The following GATA6 variants were observed in gnomAD, a reference collection of about 807,000 sequenced individuals.
GATA6 encodes transcription factor GATA-6.
GATA6 carries 11 observed loss-of-function variants against 48.1 expected under a neutral mutation model. That is an observed-to-expected ratio of 0.23 (90% CI 0.14 to 0.38). The LOEUF (loss-of-function observed/expected upper bound fraction) is 0.38. Among genes scored for constraint, GATA6 ranks in the 10% least tolerant of loss-of-function variants. The probability of loss-of-function intolerance (pLI) is 1.00; values close to 1 mark genes in which losing one functional copy is unlikely to be tolerated. For synonymous variants in GATA6, 419 were observed against 396.1 expected, an observed-to-expected ratio of 1.06 and a Z score of -0.69; for missense variants, 795 against 850.3, an observed-to-expected ratio of 0.93 and a Z score of 0.81.
chr18:22,191,922 C>G (rs974957829), intron 6 of GATA6, among the ~76,000 whole-genome samples: 1 of 152,238 alleles, frequency 6.6e-6, no homozygotes, highest in African/African-American at 2.4e-5. Context: ...CATGATCCGA[C>G]TTGATGGTGT....
chr18:22,195,144 C>G (rs561278485), intron 6 of GATA6, among the ~76,000 whole-genome samples: 1 of 152,102 alleles, frequency 6.6e-6, no homozygotes, highest in Non-Finnish European at 1.5e-5. Context: ...CCAGCCTGGG[C>G]GACAGAGTGA....
chr18:22,171,912 G>C lies in GATA6; in HGVS notation c.768G>C (p.Ala256=), dbSNP rs919012580. ...AAGPGGAGSA[A]AHVSARFPYS... Reference sequence around the variant, plus strand: ...GGCCTGGCGGCGCTGGCTCAGCCGCGGCGCACGTCTCGGCGCGCTTCCCCT... The same window carrying C: ...GGCCTGGCGGCGCTGGCTCAGCCGCCGCGCACGTCTCGGCGCGCTTCCCCT... The change falls in exon 2 of 7, where the codon GCG becomes GCC. Residue 256 remains alanine (A), a synonymous_variant. Transcript: ENST00000269216. The surrounding 1 kb of genome is among the most constrained non-coding windows in gnomAD (Gnocchi z 7.1). 8.6e-7 allele frequency: 1 copy of C among 1,168,070 alleles called. No individual in the cohort carries two copies. Among genetic ancestry groups the C allele is most frequent in the Non-Finnish European group, 1.1e-6 (1 of 947,524 alleles). 72.4% of individuals were successfully genotyped at this position (1,168,070 alleles called of 1,614,324 possible).
rs569603509 is a variant in GATA6, at chr18:22,193,916, C to T, written c.1621-6740C>T. On this transcript the variant is annotated intron_variant, in intron 6 of 6. Coordinates refer to ENST00000269216, the MANE Select transcript of GATA6 (RefSeq NM_005257.6). ...TCCTTTTCTCGGCTGTGTTGCCTTC[C>T]CATCAGAAGCTGTCTCTTGCCCTCC... Among the ~76,000 whole-genome samples, 468 of 152,230 alleles carry T rather than the reference C, an allele frequency of 3.1e-3. 2 individuals carry two copies. Among genetic ancestry groups the T allele is most frequent in the Middle Eastern group, 0.017 (5 of 294 alleles).
chr18:22,182,671 A>T, intron 4 of GATA6, 86 bp from the exon 5 acceptor site: 3 of 998,328 alleles, frequency 3.0e-6, no homozygotes, highest in South Asian at 1.4e-5. Flanking sequence ...AAATTCTTTT[A>T]AATGAGAGCT....
chr18:22,189,913 A>C (rs1250927793), intron 6 of GATA6, among the ~76,000 whole-genome samples: 1 of 152,244 alleles, frequency 6.6e-6, no homozygotes, highest in Non-Finnish European at 1.5e-5. Context: ...TGCAGAAGGT[A>C]AAGAACAGTT....
At position 22,200,625 on chromosome 18, in the gene GATA6, G is replaced by A. The variant is rs772285401; in HGVS notation, c.1621-31G>A. On this transcript the variant is annotated intron_variant, in intron 6 of 6. Coordinates refer to ENST00000269216, the MANE Select transcript of GATA6 (RefSeq NM_005257.6). ...GATTGTAACCGCTTCTCACCTTCTC[G>A]TCTCTCCTCTGTGTCCCCCTCTTCT... The A allele has an allele frequency of 6.2e-6, 10 of 1,614,068 alleles. No individual in the cohort carries two copies. The South Asian group carries it at 9.9e-5, about 16-fold the overall frequency.
intron 6 of GATA6, among the ~76,000 whole-genome samples, chr18:22,186,306 T>C (rs993021526): frequency 2.6e-5 from 4 of 152,162 alleles, no homozygotes; most frequent in Non-Finnish European, 5.9e-5. Context: ...GGGGGCCACA[T>C]ATCCCTCCAT....
In GATA6 at chr18:22,170,820, G is replaced by C. The variant is rs1016231288; in HGVS notation, c.-37-288G>C. 6.6e-6 allele frequency: 3 copies of C among 457,032 alleles called. No homozygotes were observed. The highest frequency in any genetic ancestry group is 1.2e-5 in the Non-Finnish European group (3 of 253,564). 28.3% of individuals were successfully genotyped at this position (457,032 alleles called of 1,614,324 possible). A position where few individuals can be genotyped will look rare whatever the true frequency, so the allele number is the denominator to read the frequency against. On this transcript the variant is annotated intron_variant, in intron 1 of 6. Transcript: ENST00000269216. The surrounding 1 kb of genome is among the most constrained non-coding windows in gnomAD (Gnocchi z 6.7). ...GCGCGCACGGAGAAAGGATGCGGCC[G>C]AGGGGGTGGGCGGGGAGGACGCGGG...
chr18:22,188,206 A>T (rs2033287644), intron 6 of GATA6, among the ~76,000 whole-genome samples: 1 of 152,252 alleles, frequency 6.6e-6, no homozygotes. Flanking sequence ...ATATATGACC[A>T]GCCCTTGCTT....
At chr18:22,200,526 T>C in intron 6 of GATA6, 130 bp from the exon 7 acceptor site, 1 of 1,153,816 alleles carries the variant, frequency 8.7e-7, no homozygotes, top group Non-Finnish European at 1.3e-6. Context: ...TCTCCTGCCC[T>C]GGGTCTGCCC....
intron 3 of GATA6, among the ~76,000 whole-genome samples, chr18:22,178,607 A>T (rs1399620918): frequency 6.6e-6 from 1 of 152,184 alleles, no homozygotes; most frequent in Non-Finnish European, 1.5e-5. Flanking sequence ...CCTTAAAGAG[A>T]AGCAATTAGT....
intron 6 of GATA6, 167 bp from the exon 7 acceptor site, chr18:22,200,489 G>A: frequency 1.2e-6 from 1 of 834,084 alleles, no homozygotes; most frequent in Non-Finnish European, 2.0e-6. Context: ...CTTGCTGGGG[G>A]CAGGGGATAG....
chr18:22,187,445 AC>A (rs887326634), intron 6 of GATA6, among the ~76,000 whole-genome samples: 9 of 151,926 alleles, frequency 5.9e-5, no homozygotes, highest in African/African-American at 2.2e-4. Context: ...GCACCATTGC[AC>A]CCCAGCCTGG....
chr18:22,173,804 G>A (rs2033087143), intron 2 of GATA6, among the ~76,000 whole-genome samples: 2 of 152,176 alleles, frequency 1.3e-5, no homozygotes, highest in South Asian at 4.1e-4. Context: ...GCCACACCTA[G>A]CTAATTTTTG....
Position 22,183,049 on chromosome 18 carries a change from T to C in GATA6, c.1620+6T>C, listed in dbSNP as rs200795241. 87 of 1,599,480 alleles carry C rather than the reference T, an allele frequency of 5.4e-5. 1 individual carries two copies. The East Asian group carries it at 1.3e-3, about 23-fold the overall frequency. On this transcript the variant is annotated splice_donor_region_variant and intron_variant, in intron 6 of 6. Coordinates refer to ENST00000269216, the MANE Select transcript of GATA6 (RefSeq NM_005257.6). ...CACAACCTACAGCCTCAGGGGTAAG[T>C]ATTAAAACAGCATAGACTCCTAAAT...
At chr18:22,182,204 C>T (rs1011475582) in intron 4 of GATA6, among the ~76,000 whole-genome samples, 4 of 152,118 alleles carry the variant, frequency 2.6e-5, no homozygotes, top group Non-Finnish European at 4.4e-5. Flanking sequence ...AAACAATAAA[C>T]GTTAAGTTGA....
Position 22,195,652 on chromosome 18 carries a change from A to AG in GATA6, c.1621-5000dup, listed in dbSNP as rs924383839. Among the ~76,000 whole-genome samples, 39 of 152,280 alleles carry AG rather than the reference A, an allele frequency of 2.6e-4. 2 individuals are homozygous for AG. The highest frequency in any genetic ancestry group is 8.8e-5 in the Non-Finnish European group (6 of 68,008). On this transcript the variant is annotated intron_variant, in intron 6 of 6. Coordinates refer to ENST00000269216, the MANE Select transcript of GATA6 (RefSeq NM_005257.6). ...AGTCCCCTGTTTCTCCCCTCCTCCCAGGGGACCTTTGTAATACTTACACAT... is the reference window on the plus strand; with the variant it reads ...AGTCCCCTGTTTCTCCCCTCCTCCCAGGGGGACCTTTGTAATACTTACACAT...
intron 2 of GATA6, among the ~76,000 whole-genome samples, chr18:22,173,054 G>GTT (rs2033077093): frequency 6.6e-6 from 1 of 152,174 alleles, no homozygotes; most frequent in Admixed American, 6.5e-5. Flanking sequence ...TCCCTTCGAA[G>GTT]TTTAGCCCGC....
intron 6 of GATA6, among the ~76,000 whole-genome samples, chr18:22,191,728 T>C (rs1320291606): frequency 6.6e-6 from 1 of 152,190 alleles, no homozygotes; most frequent in Non-Finnish European, 1.5e-5. Flanking sequence ...CAGCTACCCA[T>C]CACATCAGGC....
Sources: gnomAD v4.1 joint callset for allele counts (sites outside exome capture counted in the v4.1 genomes callset) on GRCh38, gnomAD v4.1.1 for gene constraint, Gnocchi (gnomAD v3.1) non-coding constraint, MANE v1.5 for transcripts, NCBI Gene and HGNC (gene_info 2026-07-23, HGNC 2026-07-21) for gene names.